Variants in CACNA1C observed in about 807,000 individuals in gnomAD.
The protein encoded by CACNA1C is calcium voltage-gated channel subunit alpha1 C.
In CACNA1C, 30 loss-of-function variants were observed where a neutral mutation model predicts 229.0. The observed-to-expected ratio is 0.13, with a 90% CI of 0.10 to 0.18. The LOEUF is 0.18. Ranked by LOEUF, CACNA1C falls within the 10% of genes least tolerant of loss-of-function variation. The pLI, the probability that CACNA1C is intolerant of heterozygous loss-of-function variation, is 1.00. For missense variants in CACNA1C, 1,658 were observed against 2,845.0 expected (o/e 0.58, Z 9.49); for synonymous variants, 1,114 against 1,132.5 (o/e 0.98, Z 0.33).
chr12:2,394,535 A>G (rs1297240896), intron 3 of CACNA1C, among the ~76,000 whole-genome samples: 1 of 152,184 alleles, frequency 6.6e-6, no homozygotes, highest in Non-Finnish European at 1.5e-5. Context: ...AGTGGAAACG[A>G]TGTCATCGCA....
rs372968918 is a variant in CACNA1C, at chr12:2,437,046, T to C, written c.478-11930T>C. Among the ~76,000 whole-genome samples, 157 of 152,360 alleles carry C rather than the reference T, an allele frequency of 1.0e-3. 2 individuals are homozygous for C. The South Asian group carries it at 0.03, about 29-fold the overall frequency. On this transcript the variant is annotated intron_variant, in intron 3 of 46. Coordinates refer to ENST00000399655, the MANE Select transcript of CACNA1C (RefSeq NM_000719.7). The stretch of plus-strand genomic sequence containing the variant: ...GCTTTTGTGCTGGTATGCCTCTCTG[T>C]CTTTCTGAATCAATGAGAAAATTTC...
intron 1 of CACNA1C, among the ~76,000 whole-genome samples, chr12:2,105,572 G>A (rs979344879): frequency 7.3e-5 from 11 of 151,638 alleles, no homozygotes; most frequent in African/African-American, 1.7e-4. Flanking sequence ...GAAACCACTG[G>A]GCGCCCACCC....
intron 1 of CACNA1C, among the ~76,000 whole-genome samples, chr12:2,036,965 C>A (rs1019206111): frequency 1.3e-5 from 2 of 152,152 alleles, no homozygotes; most frequent in Non-Finnish European, 2.9e-5. Context: ...TCCACACCAG[C>A]GGCAAGAGAC....
At chr12:2,089,581 G>T (rs1039155067) in intron 1 of CACNA1C, among the ~76,000 whole-genome samples, 7 of 152,128 alleles carry the variant, frequency 4.6e-5, no homozygotes, top group South Asian at 4.1e-4. Flanking sequence ...GCCCATCCGG[G>T]GCATGTTATG....
chr12:2,312,008 A>C (rs1355302368), intron 3 of CACNA1C, among the ~76,000 whole-genome samples: 1 of 152,186 alleles, frequency 6.6e-6, no homozygotes, highest in Non-Finnish European at 1.5e-5. Context: ...GAACCCCTGG[A>C]ATAGTCCTCA....
intron 38 of CACNA1C, among the ~76,000 whole-genome samples, chr12:2,671,883 C>T (rs2096584851): frequency 6.7e-6 from 1 of 150,298 alleles, no homozygotes; most frequent in African/African-American, 2.5e-5. Flanking sequence ...GGTGAGCCTT[C>T]ATCAGACATG....
chr12:2,524,189 G>A (rs1321722845), intron 9 of CACNA1C, among the ~76,000 whole-genome samples: 1 of 152,226 alleles, frequency 6.6e-6, no homozygotes, highest in African/African-American at 2.4e-5. Context: ...AGTGTCTGAG[G>A]GAACCTCCTA....
intron 3 of CACNA1C, among the ~76,000 whole-genome samples, chr12:2,353,007 G>A (rs1468102107): frequency 2.6e-5 from 4 of 152,214 alleles, no homozygotes; most frequent in African/African-American, 9.6e-5. Flanking sequence ...AGGGGGGATT[G>A]TTATTTTAAG....
intron 22 of CACNA1C, among the ~76,000 whole-genome samples, chr12:2,604,449 T>A (rs1356046908): frequency 1.3e-5 from 2 of 152,008 alleles, no homozygotes; most frequent in Non-Finnish European, 2.9e-5. Flanking sequence ...TGTTTGGAGA[T>A]AAACACTAAG....
intron 3 of CACNA1C, among the ~76,000 whole-genome samples, chr12:2,387,561 G>A (rs986198454): frequency 1.8e-4 from 28 of 151,756 alleles, no homozygotes; most frequent in African/African-American, 6.5e-4. Flanking sequence ...AAGAAAGAAA[G>A]CAATGACTAA....
At chr12:2,209,024 G>A (rs1411385802) in intron 3 of CACNA1C, among the ~76,000 whole-genome samples, 2 of 152,164 alleles carry the variant, frequency 1.3e-5, no homozygotes, top group Non-Finnish European at 2.9e-5. Context: ...GCTGAGGGCC[G>A]CAGAGCCCCG....
At chr12:2,026,666 G>A (rs749700561) in intron 1 of CACNA1C, among the ~76,000 whole-genome samples, 1 of 152,204 alleles carries the variant, frequency 6.6e-6, no homozygotes, top group Non-Finnish European at 1.5e-5. Flanking sequence ...TTTACACTGT[G>A]TACAAATGGT....
chr12:2,201,220 A>C (rs766891855), intron 3 of CACNA1C, among the ~76,000 whole-genome samples: 2 of 152,178 alleles, frequency 1.3e-5, no homozygotes, highest in Non-Finnish European at 2.9e-5. Context: ...ATTCCAAAAA[A>C]TAAAGAAGGG....
At chr12:2,669,140 G>A (rs2096405417) in intron 38 of CACNA1C, 105 bp downstream of exon 38, 2 of 812,440 alleles carry the variant, frequency 2.5e-6, no homozygotes, top group Non-Finnish European at 4.3e-6. Context: ...TCCTGCCCCA[G>A]ACAGCATCCG....
chr12:2,145,321 G>A (rs995789058), intron 3 of CACNA1C, among the ~76,000 whole-genome samples: 7 of 150,996 alleles, frequency 4.6e-5, no homozygotes, highest in Non-Finnish European at 8.9e-5. Flanking sequence ...ATTTTCTCCA[G>A]TGTAGAATTG....
intron 3 of CACNA1C, among the ~76,000 whole-genome samples, chr12:2,368,942 G>A (rs999949420): frequency 3.9e-5 from 6 of 152,324 alleles, no homozygotes; most frequent in African/African-American, 1.2e-4. Flanking sequence ...GCGGGTAAAG[G>A]AATCCACGGA....
chr12:2,204,993 C>T (rs2097713790), intron 3 of CACNA1C, among the ~76,000 whole-genome samples: 1 of 151,852 alleles, frequency 6.6e-6, no homozygotes, highest in Non-Finnish European at 1.5e-5. Context: ...CTCTTAGATA[C>T]TCATTCCCTC....
At position 2,032,919 on chromosome 12, in the gene CACNA1C, C is replaced by A. The variant is rs185677543; in HGVS notation, c.139+61718C>A. On this transcript the variant is annotated intron_variant, in intron 1 of 46. Transcript: ENST00000682462. ...TAATAACACAAGTCAGGAAAGAGAA[C>A]CTCTCTCCCTATAAAACATCCCTCC... 4.8e-4 allele frequency among the ~76,000 whole-genome samples: 73 copies of A among 152,308 alleles called. No individual in the cohort carries two copies. In the East Asian group the frequency reaches 0.012, roughly 25 times the overall value.
chr12:2,187,514 T>G (rs752128933), intron 3 of CACNA1C, among the ~76,000 whole-genome samples: 1 of 137,800 alleles, frequency 7.3e-6, no homozygotes, highest in South Asian at 2.4e-4. Flanking sequence ...TTCCCAAGGC[T>G]GAGCATCTGC....
Sources: allele counts gnomAD v4.1 joint callset (sites outside exome capture counted in the v4.1 genomes callset), GRCh38; gene constraint gnomAD v4.1.1; transcripts MANE v1.5; gene names NCBI Gene and HGNC (gene_info 2026-07-23, HGNC 2026-07-21).